Variants in TMEM169 observed in about 807,000 individuals in gnomAD.
The protein encoded by TMEM169 is transmembrane protein 169.
TMEM169 carries 18 observed loss-of-function variants against 27.3 expected under a neutral mutation model. The observed-to-expected ratio is 0.66, with a 90% CI of 0.46 to 0.98. The LOEUF (loss-of-function observed/expected upper bound fraction) is 0.98. Among genes scored for constraint, TMEM169 ranks in the 50% least tolerant of loss-of-function variants. The probability of loss-of-function intolerance (pLI) is 0.00; values close to 1 mark genes in which losing one functional copy is unlikely to be tolerated. For missense variants in TMEM169, 320 were observed against 368.6 expected, an observed-to-expected ratio of 0.87 and a Z score of 1.08; for synonymous variants, 136 against 142.1, an observed-to-expected ratio of 0.96 and a Z score of 0.30.
At chr2:216,089,039 AGT>A (rs1295591527) in intron 1 of TMEM169, among the ~76,000 whole-genome samples, 1 of 152,176 alleles carries the variant, frequency 6.6e-6, no homozygotes, top group African/African-American at 2.4e-5. Flanking sequence ...AGAGGAACAG[AGT>A]GTGCTGTTGA....
At chr2:216,083,974 C>T (rs1457944080) in intron 1 of TMEM169, among the ~76,000 whole-genome samples, 6 of 152,132 alleles carry the variant, frequency 3.9e-5, no homozygotes, top group Non-Finnish European at 7.3e-5. Flanking sequence ...GCATCTCTTC[C>T]GAAGGCAACC....
intron 1 of TMEM169, among the ~76,000 whole-genome samples, chr2:216,093,358 G>A (rs984994490): frequency 2.0e-5 from 3 of 152,084 alleles, no homozygotes; most frequent in Admixed American, 2.0e-4. Context: ...TACCTTGGGA[G>A]GGCTCTCTCC....
chr2:216,089,600 G>A (rs1257427139), intron 1 of TMEM169, among the ~76,000 whole-genome samples: 1 of 152,140 alleles, frequency 6.6e-6, no homozygotes, highest in Non-Finnish European at 1.5e-5. Flanking sequence ...GGGATTACAG[G>A]CGTGCACAAC....
At chr2:216,086,158 G>A (rs1036223798) in intron 1 of TMEM169, among the ~76,000 whole-genome samples, 1 of 151,738 alleles carries the variant, frequency 6.6e-6, no homozygotes, top group South Asian at 2.1e-4. Flanking sequence ...TCTGCCTCCC[G>A]GGTTCAAGCG....
At chr2:216,082,741 G>A (rs1695896604) in intron 1 of TMEM169, 1 of 152,240 alleles carries the variant, frequency 6.6e-6, no homozygotes, top group South Asian at 2.1e-4. Context: ...CCACCAGAGT[G>A]AGATTACACC....
At chr2:216,087,287 A>C (rs558729180) in intron 1 of TMEM169, among the ~76,000 whole-genome samples, 14 of 152,320 alleles carry the variant, frequency 9.2e-5, no homozygotes, top group Non-Finnish European at 1.5e-4. Flanking sequence ...CAAAATAAAA[A>C]TATTGTTTTG....
intron 1 of TMEM169, among the ~76,000 whole-genome samples, chr2:216,092,672 A>G (rs930364421): frequency 6.6e-6 from 1 of 152,258 alleles, no homozygotes; most frequent in African/African-American, 2.4e-5. Context: ...TAAGGAGTAC[A>G]GAACATAAAC....
chr2:216,098,920 T>A (rs1022587330), intron 2 of TMEM169, among the ~76,000 whole-genome samples: 10 of 151,546 alleles, frequency 6.6e-5, no homozygotes, highest in African/African-American at 2.4e-4. Flanking sequence ...GTGGTATGTA[T>A]GGGTATGTGG....
Position 216,100,342 on chromosome 2 carries a change from G to T in TMEM169, c.694G>T (p.Val232Phe). 1.9e-6 allele frequency: 3 copies of T among 1,613,882 alleles called. No individual in the cohort carries two copies. Among genetic ancestry groups the T allele is most frequent in the Admixed American group, 1.7e-5 (1 of 59,962 alleles). The change falls in exon 3 of 3, where the codon GTC (valine) becomes TTC (phenylalanine). Residue 232 changes from valine to phenylalanine, a missense_variant. Transcript: ENST00000437356. ...TTCCCTCGGCCTCTACGCTGCTGTGGTCCAGCTCTCGTGGTCCTGGGAAGC... is the reference window on the plus strand; with the variant it reads ...TTCCCTCGGCCTCTACGCTGCTGTGTTCCAGCTCTCGTGGTCCTGGGAAGC... ...ASSLGLYAAVVQLSWSWEAWW... is the reference protein window; with the variant it reads ...ASSLGLYAAVFQLSWSWEAWW...
rs1409509226 is a variant in TMEM169 at position 216,094,937 on chromosome 2, A to G, written c.-126-901A>G. On this transcript the variant is annotated intron_variant, in intron 1 of 2. Transcript: ENST00000437356. ...TGAGATTGTGGGCTGACAAGAAGCC[A>G]GGAGACAGATTTCCTTTACAGAATA... 3.9e-5 allele frequency among the ~76,000 whole-genome samples: 6 copies of G among 152,150 alleles called. No individual in the cohort carries two copies. In the East Asian group the frequency reaches 1.2e-3, roughly 29 times the overall value.
intron 1 of TMEM169, among the ~76,000 whole-genome samples, chr2:216,085,910 TA>T (rs1200511909): frequency 6.6e-6 from 1 of 151,518 alleles, no homozygotes; most frequent in Non-Finnish European, 1.5e-5. Flanking sequence ...ATTATCTGGA[TA>T]ATTTTTTTCA....
chr2:216,089,332 A>G (rs1451969047), intron 1 of TMEM169, among the ~76,000 whole-genome samples: 1 of 152,242 alleles, frequency 6.6e-6, no homozygotes, highest in East Asian at 1.9e-4. Context: ...TGGATCTGTC[A>G]TCAAATGAAG....
rs1695871697 is a variant in TMEM169, at chr2:216,082,044, A to AC, written c.-127+65_-127+66insC. The AC allele has an allele frequency of 1.0e-4, 35 of 334,504 alleles. 2 individuals are homozygous for AC. In the South Asian group the frequency reaches 1.2e-3, roughly 12 times the overall value. The allele number at this position is 334,504 out of a possible 1,614,324, so 20.7% of individuals were successfully genotyped here. On this transcript the variant is annotated intron_variant, in intron 1 of 2. Transcript: ENST00000437356. The stretch of plus-strand genomic sequence containing the variant: ...TGGGGAGGGTGGAAGGGAAATGCAA[A>AC]AAAAAAAAAAGAAGAAGAAAGAAAC...
chr2:216,087,908 C>G (rs1696042406), intron 1 of TMEM169, among the ~76,000 whole-genome samples: 2 of 152,176 alleles, frequency 1.3e-5, no homozygotes, highest in Admixed American at 1.3e-4. Flanking sequence ...CCTGTAATCC[C>G]AGCACTTTGG....
chr2:216,095,587 CAAT>C (rs894799753), intron 1 of TMEM169, among the ~76,000 whole-genome samples: 3 of 152,158 alleles, frequency 2.0e-5, no homozygotes, highest in Non-Finnish European at 2.9e-5. Flanking sequence ...ATTATGACAA[CAAT>C]GAGATATAGT....
At position 216,099,353 on chromosome 2, in the gene TMEM169, G is replaced by T. The variant is rs1255346942; in HGVS notation, c.272-567G>T. Among the ~76,000 whole-genome samples, 2 of 151,798 alleles carry T rather than the reference G, an allele frequency of 1.3e-5. No individual in the cohort carries two copies. Among genetic ancestry groups the T allele is most frequent in the African/African-American group, 4.8e-5 (2 of 41,286 alleles). Reference sequence around the variant, plus strand: ...CGTGATTGGGAGGTGGCATGTGTATGTGTGTGTATGGTGTGTATGTAGTAT... The same window carrying T: ...CGTGATTGGGAGGTGGCATGTGTATTTGTGTGTATGGTGTGTATGTAGTAT... On this transcript the variant is annotated intron_variant, in intron 2 of 2. Transcript: ENST00000437356. This position sits in a 1 kb window ranked among gnomAD's most constrained non-coding sequence, Gnocchi z 5.0.
intron 1 of TMEM169, among the ~76,000 whole-genome samples, chr2:216,086,389 G>A (rs1695998796): frequency 6.6e-6 from 1 of 152,118 alleles, no homozygotes; most frequent in Non-Finnish European, 1.5e-5. Context: ...ACTGGAAGTG[G>A]AAGTGGAAGA....
In TMEM169 at chr2:216,090,630, C is replaced by T. The variant is rs569795836; in HGVS notation, c.-126-5208C>T. Among the ~76,000 whole-genome samples, 70 of 152,218 alleles carry T rather than the reference C, an allele frequency of 4.6e-4. 1 individual carries two copies. Among genetic ancestry groups the T allele is most frequent in the African/African-American group, 1.5e-3 (64 of 41,528 alleles). On this transcript the variant is annotated intron_variant, in intron 1 of 2. Transcript: ENST00000437356. ...CACAGAATACTAAAAGGTTCAGAAA[C>T]CATAAAAACAAAAAAACACTTTTGG...
At chr2:216,088,424 A>ACTACACTCCAGCT (rs1696056771) in intron 1 of TMEM169, among the ~76,000 whole-genome samples, 1 of 152,262 alleles carries the variant, frequency 6.6e-6, no homozygotes, top group African/African-American at 2.4e-5. Context: ...AGATCACGCC[A>ACTACACTCCAGCT]CTACACTCCA....
Sources: gnomAD v4.1 joint callset for allele counts (sites outside exome capture counted in the v4.1 genomes callset) on GRCh38, gnomAD v4.1.1 for gene constraint, Gnocchi (gnomAD v3.1) non-coding constraint, MANE v1.5 for transcripts, NCBI Gene and HGNC (gene_info 2026-07-23, HGNC 2026-07-21) for gene names.